Variants in CMSS1 observed in about 807,000 individuals in gnomAD.
CMSS1 encodes cms1 ribosomal small subunit homolog.
Under a neutral mutation model 43.5 loss-of-function variants are expected in CMSS1, and 33 were observed. The ratio of observed to expected loss-of-function variants is 0.76; its 90% confidence interval spans 0.57 to 1.01. The LOEUF (loss-of-function observed/expected upper bound fraction) is 1.01. Ranked by LOEUF, CMSS1 falls within the 50% of genes least tolerant of loss-of-function variation. The probability of loss-of-function intolerance (pLI) is 0.00; values close to 1 mark genes in which losing one functional copy is unlikely to be tolerated. For missense variants in CMSS1, 313 were observed against 326.4 expected (o/e 0.96, Z 0.32); for synonymous variants, 115 against 117.2 (o/e 0.98, Z 0.12).
intron 1 of CMSS1, among the ~76,000 whole-genome samples, chr3:99,842,431 A>G (rs990080161): frequency 2.6e-5 from 4 of 151,974 alleles, no homozygotes; most frequent in African/African-American, 4.8e-5. Flanking sequence ...AGTCAGCACT[A>G]AAGAACTTAT....
intron 1 of CMSS1, among the ~76,000 whole-genome samples, chr3:99,991,341 C>A (rs956173332): frequency 6.6e-6 from 1 of 152,048 alleles, no homozygotes; most frequent in Non-Finnish European, 1.5e-5. Flanking sequence ...CAGTGAATGT[C>A]GCTGGTGAGG....
intron 2 of CMSS1, among the ~76,000 whole-genome samples, chr3:100,152,545 G>A (rs758124712): frequency 2.0e-5 from 3 of 152,150 alleles, no homozygotes; most frequent in Non-Finnish European, 4.4e-5. Flanking sequence ...TATTTAAAGC[G>A]CTCCTATGTG....
At chr3:99,895,089 C>T (rs1239452292) in intron 1 of CMSS1, among the ~76,000 whole-genome samples, 2 of 152,124 alleles carry the variant, frequency 1.3e-5, no homozygotes, top group Admixed American at 6.5e-5. Flanking sequence ...TGCCATCCTT[C>T]GAACAGGGTG....
At chr3:99,980,173 T>G (rs1709080544) in intron 1 of CMSS1, among the ~76,000 whole-genome samples, 1 of 152,092 alleles carries the variant, frequency 6.6e-6, no homozygotes, top group Non-Finnish European at 1.5e-5. Context: ...TTTGGAGTAG[T>G]TTATTGGACA....
intron 1 of CMSS1, among the ~76,000 whole-genome samples, chr3:100,034,065 A>G (rs1032376200): frequency 1.1e-4 from 17 of 152,224 alleles, no homozygotes; most frequent in Admixed American, 6.5e-5. Context: ...TGCTTACATT[A>G]GTGACCCGTT....
chr3:100,038,217 A>G (rs796639097), intron 1 of CMSS1, among the ~76,000 whole-genome samples: 4 of 152,178 alleles, frequency 2.6e-5, no homozygotes, highest in African/African-American at 9.6e-5. Context: ...TGGCCTCCCA[A>G]AGTGCTGTGA....
At chr3:100,093,077 TG>T in intron 1 of CMSS1, among the ~76,000 whole-genome samples, 1 of 152,016 alleles carries the variant, frequency 6.6e-6, no homozygotes, top group Middle Eastern at 3.4e-3. Flanking sequence ...GAATACAGAA[TG>T]GAAAAAATTG....
intron 1 of CMSS1, among the ~76,000 whole-genome samples, chr3:100,097,655 G>C (rs2066234331): frequency 6.6e-6 from 1 of 152,198 alleles, no homozygotes; most frequent in Admixed American, 6.5e-5. Flanking sequence ...TTGTGAACAT[G>C]TACGTCATGA....
At chr3:99,950,498 C>T (rs1384087167) in intron 1 of CMSS1, among the ~76,000 whole-genome samples, 1 of 152,158 alleles carries the variant, frequency 6.6e-6, no homozygotes, top group Non-Finnish European at 1.5e-5. Context: ...TTTATATTAT[C>T]TTCCGTTTTC....
chr3:100,045,948 A>G (rs1034742578), intron 1 of CMSS1, among the ~76,000 whole-genome samples: 1 of 151,972 alleles, frequency 6.6e-6, no homozygotes, highest in African/African-American at 2.4e-5. Flanking sequence ...GCTGGGGTGG[A>G]TGAGAGAAGG....
chr3:100,043,886 A>G (rs1343293353), intron 1 of CMSS1, among the ~76,000 whole-genome samples: 1 of 152,222 alleles, frequency 6.6e-6, no homozygotes, highest in African/African-American at 2.4e-5. Flanking sequence ...GTCATTATGC[A>G]GTGCAATAGA....
chr3:99,918,427 C>G (rs1025085426), intron 1 of CMSS1, among the ~76,000 whole-genome samples: 1 of 152,146 alleles, frequency 6.6e-6, no homozygotes, highest in Admixed American at 6.5e-5. Context: ...TTCTTTTTAG[C>G]ATTCATAGTA....
chr3:99,845,706 T>G lies in CMSS1; in HGVS notation c.64+27663T>G, dbSNP rs144902012. On this transcript the variant is annotated intron_variant, in intron 1 of 9. Transcript: ENST00000421999. ...AATCTACATTGTGTCATTTTAGGTG[T>G]AATTCTATAGAAAAAAAGATGTTTT... Among the ~76,000 whole-genome samples the G allele has an allele frequency of 4.6e-3, 695 of 152,358 alleles. 2 individuals carry two copies. The highest frequency in any genetic ancestry group is 6.8e-3 in the South Asian group (33 of 4,830).
rs149669856 is a variant in CMSS1 at position 100,091,343 on chromosome 3, A to G, written c.65-55630A>G. Among the ~76,000 whole-genome samples the G allele has an allele frequency of 3.7e-3, 557 of 151,984 alleles. 3 individuals carry two copies. The highest frequency in any genetic ancestry group is 5.4e-3 in the Non-Finnish European group (366 of 67,944). The stretch of plus-strand genomic sequence containing the variant: ...GCCTTTAAGGGGTGTGCATGTATGT[A>G]TGTGTATGTATGTTCACCTTCTTCT... On this transcript the variant is annotated intron_variant, in intron 1 of 9. Transcript: ENST00000421999.
At chr3:99,972,530 C>A (rs1377748405) in intron 1 of CMSS1, among the ~76,000 whole-genome samples, 2 of 152,186 alleles carry the variant, frequency 1.3e-5, no homozygotes, top group Non-Finnish European at 2.9e-5. Context: ...TCATTTTCTG[C>A]CTCTAGTGCT....
intron 1 of CMSS1, among the ~76,000 whole-genome samples, chr3:99,983,160 A>T (rs1212269014): frequency 4.6e-5 from 7 of 151,864 alleles, no homozygotes; most frequent in Admixed American, 2.0e-4. Flanking sequence ...ATTTGAAAAA[A>T]AATTTCTCAG....
At chr3:100,058,082 T>A (rs2065496252) in intron 1 of CMSS1, among the ~76,000 whole-genome samples, 1 of 152,214 alleles carries the variant, frequency 6.6e-6, no homozygotes, top group African/African-American at 2.4e-5. Flanking sequence ...TTATTTTCTT[T>A]TTGCAGTTGA....
At chr3:99,919,408 C>T (rs1707054295) in intron 1 of CMSS1, among the ~76,000 whole-genome samples, 1 of 148,228 alleles carries the variant, frequency 6.7e-6, no homozygotes, top group Non-Finnish European at 1.5e-5. Context: ...CTACCTTGTT[C>T]GCCCAGTATC....
intron 1 of CMSS1, among the ~76,000 whole-genome samples, chr3:99,847,236 CTG>C (rs112911149): frequency 1.6e-3 from 236 of 150,622 alleles, no homozygotes; most frequent in African/African-American, 5.3e-3. Context: ...AAAAAAAAAA[CTG>C]TAAGCTTTTG....
Sources: allele counts gnomAD v4.1 joint callset (sites outside exome capture counted in the v4.1 genomes callset), GRCh38; gene constraint gnomAD v4.1.1; transcripts MANE v1.5; gene names NCBI Gene and HGNC (gene_info 2026-07-23, HGNC 2026-07-21).